HS6ST2: variants seen among roughly 807,000 people sequenced by gnomAD.
HS6ST2 encodes the protein heparan sulfate 6-O-sulfotransferase 2.
Under a neutral mutation model 33.0 loss-of-function variants are expected in HS6ST2, and 17 were observed. The observed-to-expected ratio is 0.52, with a 90% confidence interval of 0.35 to 0.77. The LOEUF (loss-of-function observed/expected upper bound fraction) is 0.77, where lower values mean the gene tolerates loss of function less well. HS6ST2 is among the 30% of genes least tolerant of loss of function. HS6ST2 has a pLI of 0.01. For missense variants in HS6ST2, 519 were observed against 551.7 expected (o/e 0.94, Z 0.59); for synonymous variants, 248 against 237.1 (o/e 1.05, Z -0.42).
chrX:132,796,611 T>G (rs952641455), intron 2 of HS6ST2, among the ~76,000 whole-genome samples: 18 of 112,400 alleles, frequency 1.6e-4, no homozygotes, highest in African/African-American at 5.8e-4. Flanking sequence ...AAAGGTCCAT[T>G]CACCAAATAG....
intron 4 of HS6ST2, among the ~76,000 whole-genome samples, chrX:132,649,971 C>T (rs1323343343): frequency 9.0e-6 from 1 of 111,676 alleles, no homozygotes; most frequent in Non-Finnish European, 1.9e-5. Context: ...CTTCCTGACT[C>T]CAGAGTCTGA....
At chrX:132,938,985 C>T (rs2066857118) in intron 2 of HS6ST2, among the ~76,000 whole-genome samples, 1 of 111,600 alleles carries the variant, frequency 9.0e-6, no homozygotes, top group Non-Finnish European at 1.9e-5. Flanking sequence ...CCTCAGGAAG[C>T]TTAGAATCAT....
chrX:132,628,098 TA>T lies in HS6ST2; in HGVS notation c.*124del. The T allele has an allele frequency of 3.9e-6, 2 of 517,922 alleles. No homozygotes were observed. Among genetic ancestry groups the T allele is most frequent in the Non-Finnish European group, 6.3e-6 (2 of 317,924 alleles). 42.7% of individuals were successfully genotyped at this position (517,922 alleles called of 1,213,427 possible). On this transcript the variant is annotated 3_prime_UTR_variant, in exon 5 of 5. Coordinates refer to ENST00000370833, the MANE Select transcript of HS6ST2 (RefSeq NM_001394073.1). ...GAAAGGCAACTGTAAAGGCAACATCTAAACTTTTTTTTAAAACTTCCCCAAT... is the reference window on the plus strand; with the variant it reads ...GAAAGGCAACTGTAAAGGCAACATCTAACTTTTTTTTAAAACTTCCCCAAT...
chrX:132,871,838 G>T (rs1222115019), intron 2 of HS6ST2, among the ~76,000 whole-genome samples: 13 of 110,339 alleles, frequency 1.2e-4, no homozygotes, highest in Non-Finnish European at 7.6e-5. Flanking sequence ...TAGATGACGG[G>T]TTGATAAGTG....
intron 2 of HS6ST2, among the ~76,000 whole-genome samples, chrX:132,788,384 T>C (rs762273711): frequency 1.8e-5 from 2 of 111,809 alleles, no homozygotes; most frequent in Non-Finnish European, 3.8e-5. Context: ...AATAAACTGG[T>C]GAACTTAATT....
At chrX:132,873,185 T>A (rs2066080564) in intron 2 of HS6ST2, among the ~76,000 whole-genome samples, 1 of 112,129 alleles carries the variant, frequency 8.9e-6, no homozygotes, top group South Asian at 3.7e-4. Flanking sequence ...TGTTTTACTC[T>A]ATTACTGCTA....
At chrX:132,790,879 G>A (rs2065114699) in intron 2 of HS6ST2, among the ~76,000 whole-genome samples, 1 of 111,897 alleles carries the variant, frequency 8.9e-6, no homozygotes, top group Non-Finnish European at 1.9e-5. Context: ...TGGTGGCTCA[G>A]GCCTGTAATC....
intron 2 of HS6ST2, among the ~76,000 whole-genome samples, chrX:132,868,149 A>T (rs1014519795): frequency 7.2e-5 from 8 of 111,826 alleles, no homozygotes; most frequent in South Asian, 3.7e-4. Context: ...TCTCAGATGA[A>T]ACAGACTTTA....
rs1217049880 is a variant in HS6ST2 at position 132,792,267 on chromosome X, C to T, written c.948-83773G>A. ...CCAAAAGTTCTTGTTTCCTCTCCTCCGCCATGGCATCAATGCTCTTCAAGG... is the reference window on the plus strand; with the variant it reads ...CCAAAAGTTCTTGTTTCCTCTCCTCTGCCATGGCATCAATGCTCTTCAAGG... On this transcript the variant is annotated intron_variant, in intron 2 of 4. Coordinates refer to ENST00000370833, the MANE Select transcript of HS6ST2 (RefSeq NM_001394073.1). Among the ~76,000 whole-genome samples, 11 of 111,722 alleles carry T rather than the reference C, an allele frequency of 9.8e-5. 2 individuals carry two copies. In the Admixed American group the frequency reaches 1.1e-3, roughly 11 times the overall value.
chrX:132,928,450 G>C (rs1419016291), intron 2 of HS6ST2, among the ~76,000 whole-genome samples: 2 of 110,931 alleles, frequency 1.8e-5, no homozygotes, highest in African/African-American at 6.6e-5. Context: ...AATTCAGAGT[G>C]AGAGCTCCCT....
At chrX:132,909,801 T>C (rs1052682112) in intron 2 of HS6ST2, among the ~76,000 whole-genome samples, 1 of 111,822 alleles carries the variant, frequency 8.9e-6, no homozygotes, top group Middle Eastern at 4.2e-3. Flanking sequence ...GCAAAAAATG[T>C]ACATTACTTC....
chrX:132,921,409 A>G (rs2066649445), intron 2 of HS6ST2, among the ~76,000 whole-genome samples: 1 of 112,491 alleles, frequency 8.9e-6, no homozygotes, highest in African/African-American at 3.2e-5. Context: ...AAAGCTGGCT[A>G]TTGTGCCATC....
chrX:132,939,596 G>A (rs1195834820), intron 2 of HS6ST2, among the ~76,000 whole-genome samples: 1 of 111,389 alleles, frequency 9.0e-6, no homozygotes, highest in African/African-American at 3.3e-5. Context: ...CCGCACTCCA[G>A]CCTGGCCGAC....
At chrX:132,863,248 A>T (rs775175399) in intron 2 of HS6ST2, among the ~76,000 whole-genome samples, 1 of 112,130 alleles carries the variant, frequency 8.9e-6, no homozygotes, top group Non-Finnish European at 1.9e-5. Context: ...ATAATTAGTA[A>T]ATAAACAAAC....
intron 2 of HS6ST2, among the ~76,000 whole-genome samples, chrX:132,836,107 C>G (rs2065641256): frequency 9.0e-6 from 1 of 111,310 alleles, no homozygotes; most frequent in South Asian, 3.8e-4. Flanking sequence ...TTTAGCACAG[C>G]TCCAGAGTCC....
chrX:132,940,169 T>C (rs897875522), intron 2 of HS6ST2, among the ~76,000 whole-genome samples: 2 of 111,738 alleles, frequency 1.8e-5, no homozygotes, highest in Non-Finnish European at 3.8e-5. Context: ...TGTATAATGG[T>C]ACCAAGGAAA....
intron 2 of HS6ST2, among the ~76,000 whole-genome samples, chrX:132,825,890 T>G (rs771267897): frequency 5.3e-5 from 6 of 112,206 alleles, no homozygotes; most frequent in Non-Finnish European, 1.1e-4. Context: ...ACAATGCTTC[T>G]GTAGATGTGT....
rs750616780 is a variant in HS6ST2 at position 132,629,037 on chromosome X, C to A, written c.1124G>T (p.Trp375Leu). ...TGTTGCCCCTCTCTGGACATGCCTCCACTCACTCAAGTACCGGGACACTGG... is the reference window on the plus strand; with the variant it reads ...TGTTGCCCCTCTCTGGACATGCCTCAACTCACTCAAGTACCGGGACACTGG... ...RDPVSRYLSE[W>L]RHVQRGATWK... Residue 375 changes from tryptophan to leucine, a missense_variant, in exon 5 of 5, where the codon TGG becomes TTG. Transcript: ENST00000370833. 1 of 1,204,552 alleles carries A rather than the reference C, an allele frequency of 8.3e-7. No homozygotes were observed. Among genetic ancestry groups the A allele is most frequent in the Non-Finnish European group, 1.1e-6 (1 of 891,846 alleles).
At chrX:132,768,229 CG>C (rs1330303608) in intron 2 of HS6ST2, among the ~76,000 whole-genome samples, 1 of 104,428 alleles carries the variant, frequency 9.6e-6, no homozygotes, top group Non-Finnish European at 1.9e-5. Flanking sequence ...CCCAGCTACT[CG>C]GGGGCTAGGG....
Sources: allele counts gnomAD v4.1 joint callset (sites outside exome capture counted in the v4.1 genomes callset), GRCh38; gene constraint gnomAD v4.1.1; transcripts MANE v1.5; gene names NCBI Gene and HGNC (gene_info 2026-07-23, HGNC 2026-07-21).